TEAD3: variants seen among roughly 807,000 people sequenced by gnomAD.
TEAD3 encodes transcriptional enhancer factor TEF-5.
TEAD3 carries 15 observed loss-of-function variants against 55.6 expected under a neutral mutation model. That is an observed-to-expected ratio of 0.27 (90% CI 0.18 to 0.42). The LOEUF (loss-of-function observed/expected upper bound fraction) is 0.42. Ranked by LOEUF, TEAD3 falls within the 10% of genes least tolerant of loss-of-function variation. TEAD3 has a pLI of 1.00. For synonymous variants in TEAD3, 210 were observed against 232.2 expected, an observed-to-expected ratio of 0.90 and a Z score of 0.87; for missense variants, 407 against 576.8, an observed-to-expected ratio of 0.71 and a Z score of 3.01.
intron 1 of TEAD3, among the ~76,000 whole-genome samples, chr6:35,487,319 C>T (rs925458621): frequency 6.6e-6 from 1 of 151,972 alleles, no homozygotes; most frequent in Non-Finnish European, 1.5e-5. Context: ...TTTGGGAGGC[C>T]GAGGTGGTTG....
intron 1 of TEAD3, among the ~76,000 whole-genome samples, chr6:35,489,470 G>C (rs1768457843): frequency 6.6e-6 from 1 of 152,170 alleles, no homozygotes; most frequent in South Asian, 2.1e-4. Context: ...GTCTGCCCAG[G>C]AGGTCCCCCT....
rs1768131832 is a variant in TEAD3, at chr6:35,475,750, A to G, written c.901-44T>C. The G allele has an allele frequency of 6.5e-7, 1 of 1,530,754 alleles. No homozygotes were observed. Among genetic ancestry groups the G allele is most frequent in the Non-Finnish European group, 8.8e-7 (1 of 1,141,166 alleles). 94.8% of individuals were successfully genotyped at this position (1,530,754 alleles called of 1,614,324 possible). A position where few individuals can be genotyped will look rare whatever the true frequency, so the allele number is the denominator to read the frequency against. On this transcript the variant is annotated intron_variant, in intron 10 of 12. Transcript: ENST00000639578. This position sits in a 1 kb window ranked among gnomAD's most constrained non-coding sequence, Gnocchi z 5.4. Reference sequence around the variant, plus strand: ...GGTGTTAGGTGCTGGCAGAGACCAGAAGTATTCCCGCCACACCACATCAGA... The same window carrying G: ...GGTGTTAGGTGCTGGCAGAGACCAGGAGTATTCCCGCCACACCACATCAGA...
At position 35,483,492 on chromosome 6, in the gene TEAD3, C is replaced by T. The variant is rs956911624; in HGVS notation, c.267+1068G>A. On this transcript the variant is annotated intron_variant, in intron 3 of 12. Transcript: ENST00000639578. The surrounding 1 kb of genome is among the most constrained non-coding windows in gnomAD (Gnocchi z 4.5). The stretch of plus-strand genomic sequence containing the variant: ...CTGCCACCTTCCCTGGATCAGAAGC[C>T]ACTAACTGTCTCTTACATCATCATT... Among the ~76,000 whole-genome samples the T allele has an allele frequency of 5.9e-5, 9 of 152,192 alleles. No homozygotes were observed. Among genetic ancestry groups the T allele is most frequent in the African/African-American group, 1.9e-4 (8 of 41,444 alleles).
rs1768431013 is a variant in TEAD3, at chr6:35,488,279, T to C, written c.-49-1568A>G. Among the ~76,000 whole-genome samples, 1 of 151,944 alleles carries C rather than the reference T, an allele frequency of 6.6e-6. No individual in the cohort carries two copies. ...ACCACCAACACGCCCGCCCCCGCCC[T>C]GGCCCATCCTACATGTGGGCCAGGG... On this transcript the variant is annotated intron_variant, in intron 1 of 12. Transcript: ENST00000639578. The surrounding 1 kb of genome is among the most constrained non-coding windows in gnomAD (Gnocchi z 4.2).
chr6:35,479,333 GAAGA>G lies in TEAD3; in HGVS notation c.331-21_331-18del, dbSNP rs923917320. The G allele has an allele frequency of 1.9e-6, 3 of 1,613,884 alleles. No individual in the cohort carries two copies. In the African/African-American group the frequency reaches 4.0e-5, roughly 22 times the overall value. On this transcript the variant is annotated intron_variant, in intron 4 of 12. Transcript: ENST00000639578. ...GTTCATGGCCTGTGAGGGAGAGAAG[GAAGA>G]TAGATTAGAGGACATGTGCAGCACC...
chr6:35,490,108 G>T (rs1345038460), intron 1 of TEAD3, among the ~76,000 whole-genome samples: 1 of 152,096 alleles, frequency 6.6e-6, no homozygotes, highest in Non-Finnish European at 1.5e-5. Context: ...GAGCAGCAGC[G>T]GCCCAGGCAG....
intron 1 of TEAD3, among the ~76,000 whole-genome samples, chr6:35,494,205 C>T (rs1433642563): frequency 6.6e-6 from 1 of 152,246 alleles, no homozygotes. Context: ...GCGTCACACA[C>T]AGTTGCATTC....
At position 35,496,665 on chromosome 6, in the gene TEAD3, G is replaced by C. The variant is rs1409395961; in HGVS notation, c.-50+233C>G. Among the ~76,000 whole-genome samples the C allele has an allele frequency of 2.6e-5, 4 of 152,138 alleles. No homozygotes were observed. Among genetic ancestry groups the C allele is most frequent in the Non-Finnish European group, 5.9e-5 (4 of 68,000 alleles). On this transcript the variant is annotated intron_variant, in intron 1 of 12. Transcript: ENST00000639578. The surrounding 1 kb of genome is among the most constrained non-coding windows in gnomAD (Gnocchi z 4.8). Reference sequence around the variant, plus strand: ...TCTCCCCGGCTTCCCCACCTTCCCGGACCAACTCGTCCCCGTCGCGGGGGG... The same window carrying C: ...TCTCCCCGGCTTCCCCACCTTCCCGCACCAACTCGTCCCCGTCGCGGGGGG...
intron 8 of TEAD3, among the ~76,000 whole-genome samples, chr6:35,476,918 G>C (rs1768160693): frequency 6.6e-6 from 1 of 152,210 alleles, no homozygotes; most frequent in East Asian, 1.9e-4. Flanking sequence ...CACCCACTGG[G>C]TTTAAGTGAT....
chr6:35,474,478 G>A (rs1768101119), downstream of TEAD3: 1 of 153,452 alleles, frequency 6.5e-6, no homozygotes, highest in African/African-American at 2.4e-5. Flanking sequence ...CCTGGAGCCT[G>A]GGCACTTCAT....
At chr6:35,477,279 C>T in intron 8 of TEAD3, 32 bp downstream of exon 8, 2 of 1,609,314 alleles carry the variant, frequency 1.2e-6, no homozygotes, top group Non-Finnish European at 8.5e-7. Context: ...GGTGCAGGTG[C>T]CAAGGGAGAG....
In TEAD3 at chr6:35,484,606, G is replaced by A; in HGVS notation, c.221C>T (p.Ala74Val). 1 of 1,603,402 alleles carries A rather than the reference G, an allele frequency of 6.2e-7. No individual in the cohort carries two copies. The highest frequency in any genetic ancestry group is 8.5e-7 in the Non-Finnish European group (1 of 1,175,010). The change falls in exon 3 of 13, where the codon GCA (alanine) becomes GTA (valine). Residue 74 changes from alanine to valine, a missense_variant. Transcript: ENST00000639578. The surrounding 1 kb of genome is among the most constrained non-coding windows in gnomAD (Gnocchi z 5.8). ...CCCCGTCCTCAGTTTAATATAGCGT[G>A]CAATCAACTCATTTCGGCCTAGATT...
chr6:35,484,542 C>T lies in TEAD3; in HGVS notation c.267+18G>A, dbSNP rs375789413. ...CAGAGTGTGTGGGTGGCAGGCCCAG[C>T]ATAAACCGTCTCTCTACCTGTTTTC... On this transcript the variant is annotated intron_variant, in intron 3 of 12. Transcript: ENST00000639578. The surrounding 1 kb of genome is among the most constrained non-coding windows in gnomAD (Gnocchi z 5.8). The T allele has an allele frequency of 1.1e-4, 174 of 1,593,764 alleles. No homozygotes were observed. The African/African-American group carries it at 2.2e-3, about 20-fold the overall frequency.
Position 35,485,401 on chromosome 6 carries a change from A to AG in TEAD3, c.203-778dup, listed in dbSNP as rs1163576251. On this transcript the variant is annotated intron_variant, in intron 2 of 12. Transcript: ENST00000639578. This position sits in a 1 kb window ranked among gnomAD's most constrained non-coding sequence, Gnocchi z 4.3. ...CAGTGTCCAGGGACTTGGGCCTGAA[A>AG]GGGGGATGCCTGGGCCACACGGCTG... Among the ~76,000 whole-genome samples, 1 of 152,100 alleles carries AG rather than the reference A, an allele frequency of 6.6e-6. No individual in the cohort carries two copies. Among genetic ancestry groups the AG allele is most frequent in the African/African-American group, 2.4e-5 (1 of 41,394 alleles).
rs530733242 is a variant in TEAD3 at position 35,491,149 on chromosome 6, G to A, written c.-49-4438C>T. ...AGTGACAGACAGAAAGCCCAACCCA[G>A]TGGGGGACAGACCAGAGCCCCGCAG... On this transcript the variant is annotated intron_variant, in intron 1 of 12. Transcript: ENST00000639578. This position sits in a 1 kb window ranked among gnomAD's most constrained non-coding sequence, Gnocchi z 4.4. Among the ~76,000 whole-genome samples, 1 of 152,146 alleles carries A rather than the reference G, an allele frequency of 6.6e-6. No individual in the cohort carries two copies. The highest frequency in any genetic ancestry group is 2.1e-4 in the South Asian group (1 of 4,816).
chr6:35,485,497 G>A lies in TEAD3; in HGVS notation c.203-873C>T, dbSNP rs1561806143. 2.0e-5 allele frequency among the ~76,000 whole-genome samples: 3 copies of A among 152,084 alleles called. No homozygotes were observed. Among genetic ancestry groups the A allele is most frequent in the Admixed American group, 2.0e-4 (3 of 15,276 alleles). On this transcript the variant is annotated intron_variant, in intron 2 of 12. Transcript: ENST00000639578. This position sits in a 1 kb window ranked among gnomAD's most constrained non-coding sequence, Gnocchi z 4.3. ...CAGGCTCTCTGCCCTCCAACCCAAG[G>A]CCTCCCCAGAATGGCCAAATTCTCC...
intron 1 of TEAD3, among the ~76,000 whole-genome samples, chr6:35,493,905 C>T (rs781636979): frequency 6.6e-6 from 1 of 152,336 alleles, no homozygotes; most frequent in African/African-American, 2.4e-5. Flanking sequence ...CTTCCTTCAT[C>T]GGCACATCCT....
chr6:35,483,261 C>T lies in TEAD3; in HGVS notation c.267+1299G>A, dbSNP rs188237235. Among the ~76,000 whole-genome samples the T allele has an allele frequency of 8.7e-4, 132 of 152,268 alleles. No homozygotes were observed. Among genetic ancestry groups the T allele is most frequent in the African/African-American group, 2.7e-3 (114 of 41,542 alleles). ...TACACTGGGTAGGGAGGCTCAGAACCTTCCTTTGAGAAAGAGGTGGAACAG... is the reference window on the plus strand; with the variant it reads ...TACACTGGGTAGGGAGGCTCAGAACTTTCCTTTGAGAAAGAGGTGGAACAG... On this transcript the variant is annotated intron_variant, in intron 3 of 12. Coordinates refer to ENST00000639578, the Ensembl canonical transcript of TEAD3. The surrounding 1 kb of genome is among the most constrained non-coding windows in gnomAD (Gnocchi z 4.5).
In TEAD3 at chr6:35,496,685, G is replaced by A. The variant is rs971714205; in HGVS notation, c.-50+213C>T. On this transcript the variant is annotated intron_variant, in intron 1 of 12. Coordinates refer to ENST00000639578, the Ensembl canonical transcript of TEAD3. The surrounding 1 kb of genome is among the most constrained non-coding windows in gnomAD (Gnocchi z 4.8). ...TCCCGGACCAACTCGTCCCCGTCGC[G>A]GGGGGGTGGGGAGGGCGGGGGGCGG... Among the ~76,000 whole-genome samples, 1 of 152,042 alleles carries A rather than the reference G, an allele frequency of 6.6e-6. No individual in the cohort carries two copies. Among genetic ancestry groups the A allele is most frequent in the South Asian group, 2.1e-4 (1 of 4,822 alleles).
Sources: gnomAD v4.1 joint callset for allele counts (sites outside exome capture counted in the v4.1 genomes callset) on GRCh38, gnomAD v4.1.1 for gene constraint, Gnocchi (gnomAD v3.1) non-coding constraint, MANE v1.5 for transcripts, NCBI Gene and HGNC (gene_info 2026-07-23, HGNC 2026-07-21) for gene names.